Variants in MEF2A observed in about 807,000 individuals in gnomAD.
The protein encoded by MEF2A is myocyte enhancer factor 2A.
MEF2A carries 28 observed loss-of-function variants against 55.8 expected under a neutral mutation model. The observed-to-expected ratio is 0.50, with a 90% CI of 0.37 to 0.69. MEF2A has a LOEUF of 0.69. MEF2A is among the 30% of genes least tolerant of loss of function. The probability of loss-of-function intolerance (pLI) is 0.00; values close to 1 mark genes in which losing one functional copy is unlikely to be tolerated. For missense variants in MEF2A, 528 were observed against 626.2 expected (o/e 0.84, Z 1.67); for synonymous variants, 239 against 227.1 (o/e 1.05, Z -0.47).
At chr15:99,591,912 A>G (rs1969426670) in intron 1 of MEF2A, among the ~76,000 whole-genome samples, 1 of 152,134 alleles carries the variant, frequency 6.6e-6, no homozygotes. Flanking sequence ...TTATGCCTTT[A>G]AAGACACCCT....
intron 8 of MEF2A, among the ~76,000 whole-genome samples, chr15:99,697,800 A>C (rs1016542917): frequency 1.3e-5 from 2 of 152,212 alleles, no homozygotes; most frequent in South Asian, 4.1e-4. Flanking sequence ...TTTTAAAAAA[A>C]TACTACTACT....
At chr15:99,707,741 T>C (rs2058195581) in intron 10 of MEF2A, among the ~76,000 whole-genome samples, 1 of 152,218 alleles carries the variant, frequency 6.6e-6, no homozygotes, top group Non-Finnish European at 1.5e-5. Context: ...AGAGAAGTTA[T>C]TATGATTCTC....
At chr15:99,588,550 G>A (rs377142921) in intron 1 of MEF2A, among the ~76,000 whole-genome samples, 3 of 151,576 alleles carry the variant, frequency 2.0e-5, no homozygotes, top group South Asian at 4.2e-4. Context: ...AGGCAATCTG[G>A]CCATCTCACC....
chr15:99,668,725 G>T (rs1368958220), intron 4 of MEF2A, among the ~76,000 whole-genome samples: 1 of 152,166 alleles, frequency 6.6e-6, no homozygotes, highest in East Asian at 1.9e-4. Context: ...AACTGAAGCT[G>T]GCCAGGATCG....
intron 1 of MEF2A, among the ~76,000 whole-genome samples, chr15:99,594,999 A>T (rs1240830587): frequency 6.6e-6 from 1 of 152,168 alleles, no homozygotes; most frequent in Non-Finnish European, 1.5e-5. Context: ...CTATTGCTAT[A>T]GTAGGCATTC....
At chr15:99,592,534 TATA>T (rs1969671789) in intron 1 of MEF2A, among the ~76,000 whole-genome samples, 1 of 152,174 alleles carries the variant, frequency 6.6e-6, no homozygotes. Flanking sequence ...CTGGATAATT[TATA>T]AAGAAAAGAG....
chr15:99,648,899 T>A (rs2046405599), intron 4 of MEF2A, among the ~76,000 whole-genome samples: 1 of 152,094 alleles, frequency 6.6e-6, no homozygotes, highest in African/African-American at 2.4e-5. Flanking sequence ...TTTGTGGGAG[T>A]ACTGTAAGAT....
At chr15:99,607,908 C>G (rs1465102174) in intron 2 of MEF2A, among the ~76,000 whole-genome samples, 1 of 152,004 alleles carries the variant, frequency 6.6e-6, no homozygotes, top group Admixed American at 6.6e-5. Context: ...TTCAAGGTGC[C>G]CTGTGATTAT....
chr15:99,618,756 A>G (rs577887437), intron 2 of MEF2A, among the ~76,000 whole-genome samples: 2 of 152,178 alleles, frequency 1.3e-5, no homozygotes, highest in African/African-American at 2.4e-5. Flanking sequence ...AAATTGATGA[A>G]TCTAGGTAAT....
At chr15:99,631,125 A>G (rs2042876131) in intron 2 of MEF2A, among the ~76,000 whole-genome samples, 2 of 152,204 alleles carry the variant, frequency 1.3e-5, no homozygotes, top group African/African-American at 2.4e-5. Context: ...CTACTCCACC[A>G]TTGTCAAAAG....
intron 1 of MEF2A, among the ~76,000 whole-genome samples, chr15:99,580,951 CTTG>C (rs1965746189): frequency 6.6e-6 from 1 of 152,062 alleles, no homozygotes; most frequent in Non-Finnish European, 1.5e-5. Context: ...TGACTCTACA[CTTG>C]TTATTGTGTT....
intron 3 of MEF2A, among the ~76,000 whole-genome samples, chr15:99,636,275 G>A (rs550943875): frequency 1.9e-4 from 29 of 152,158 alleles, no homozygotes; most frequent in Non-Finnish European, 2.9e-4. Context: ...ATATAATCAG[G>A]TGAGTGTTTT....
At chr15:99,707,740 A>G (rs775566444) in intron 10 of MEF2A, among the ~76,000 whole-genome samples, 21 of 152,190 alleles carry the variant, frequency 1.4e-4, no homozygotes, top group Non-Finnish European at 2.2e-4. Context: ...CAGAGAAGTT[A>G]TTATGATTCT....
At position 99,712,374 on chromosome 15, in the gene MEF2A, C is replaced by CT; in HGVS notation, c.1137-8dup. 12 of 1,511,092 alleles carry CT rather than the reference C, an allele frequency of 7.9e-6. No homozygotes were observed. The highest frequency in any genetic ancestry group is 2.6e-5 in the South Asian group (2 of 77,954). 93.6% of individuals were successfully genotyped at this position (1,511,092 alleles called of 1,614,324 possible). A position where few individuals can be genotyped will look rare whatever the true frequency, so the allele number is the denominator to read the frequency against. On this transcript the variant is annotated splice_polypyrimidine_tract_variant and intron_variant, in intron 11 of 11. Coordinates refer to ENST00000557942, the MANE Select transcript of MEF2A (RefSeq NM_001319206.4). This position sits in a 1 kb window ranked among gnomAD's most constrained non-coding sequence, Gnocchi z 4.1. Reference sequence around the variant, plus strand: ...TACTTGCAAGCCATCTGACCTCTCTCTTTTTTTTCCTTCAGTGCTGGAGGG... The same window carrying CT: ...TACTTGCAAGCCATCTGACCTCTCTCTTTTTTTTTCCTTCAGTGCTGGAGGG...
chr15:99,633,280 T>G, intron 3 of MEF2A, 107 bp downstream of exon 3: 1 of 725,604 alleles, frequency 1.4e-6, no homozygotes, highest in East Asian at 3.3e-5. Context: ...AGTCTAAATA[T>G]TTTTAGTTAC....
At chr15:99,651,222 G>A (rs1441499189) in intron 4 of MEF2A, among the ~76,000 whole-genome samples, 3 of 152,102 alleles carry the variant, frequency 2.0e-5, no homozygotes, top group Non-Finnish European at 4.4e-5. Context: ...AGGTGTGGTG[G>A]GGATGAGTCG....
At chr15:99,675,208 C>T (rs1264754590) in intron 6 of MEF2A, among the ~76,000 whole-genome samples, 191 bp from the exon 7 acceptor site, 1 of 152,120 alleles carries the variant, frequency 6.6e-6, no homozygotes, top group Admixed American at 6.5e-5. Context: ...AAGGTAAACT[C>T]ATATATATGA....
At chr15:99,663,968 G>C (rs1257175048) in intron 4 of MEF2A, among the ~76,000 whole-genome samples, 1 of 152,146 alleles carries the variant, frequency 6.6e-6, no homozygotes, top group African/African-American at 2.4e-5. Flanking sequence ...CCTTGAATTT[G>C]AAAGGTAAGG....
At chr15:99,670,525 G>A (rs1053188462) in intron 4 of MEF2A, among the ~76,000 whole-genome samples, 4 of 152,140 alleles carry the variant, frequency 2.6e-5, no homozygotes, top group African/African-American at 9.7e-5. Flanking sequence ...CAGGAGAATG[G>A]CATGAACCCA....
Sources: gnomAD v4.1 joint callset for allele counts (sites outside exome capture counted in the v4.1 genomes callset) on GRCh38, gnomAD v4.1.1 for gene constraint, Gnocchi (gnomAD v3.1) non-coding constraint, MANE v1.5 for transcripts, NCBI Gene and HGNC (gene_info 2026-07-23, HGNC 2026-07-21) for gene names.